KANK4: variants seen among roughly 807,000 people sequenced by gnomAD.
KANK4 encodes the protein KN motif and ankyrin repeat domain-containing protein 4.
Under a neutral mutation model 80.8 loss-of-function variants are expected in KANK4, and 50 were observed. The observed-to-expected ratio is 0.62, with a 90% confidence interval of 0.49 to 0.78. The LOEUF (loss-of-function observed/expected upper bound fraction) is 0.78, where lower values mean the gene tolerates loss of function less well. Ranked by LOEUF, KANK4 falls within the 30% of genes least tolerant of loss-of-function variation. KANK4 has a pLI of 0.00. For synonymous variants in KANK4, 465 were observed against 506.9 expected, an observed-to-expected ratio of 0.92 and a Z score of 1.11; for missense variants, 1,196 against 1,240.1, an observed-to-expected ratio of 0.96 and a Z score of 0.53.
intron 1 of KANK4, among the ~76,000 whole-genome samples, chr1:62,286,538 T>C (rs1295859426): frequency 6.6e-6 from 1 of 152,226 alleles, no homozygotes; most frequent in Admixed American, 6.5e-5. Context: ...GGAACACATC[T>C]AGAGACATCC....
At chr1:62,308,825 G>A (rs1050797826) in intron 1 of KANK4, among the ~76,000 whole-genome samples, 1 of 152,210 alleles carries the variant, frequency 6.6e-6, no homozygotes, top group African/African-American at 2.4e-5. Context: ...AACCCTCCCA[G>A]AGAAAGGCAG....
At chr1:62,265,372 T>C (rs1671994914) in intron 6 of KANK4, among the ~76,000 whole-genome samples, 3 of 152,094 alleles carry the variant, frequency 2.0e-5, no homozygotes, top group South Asian at 4.1e-4. Flanking sequence ...TCTGAGTAGC[T>C]GGGACTACAG....
chr1:62,271,787 G>C (rs1672169868), intron 3 of KANK4, 198 bp from the exon 4 acceptor site: 1 of 529,138 alleles, frequency 1.9e-6, no homozygotes, highest in African/African-American at 1.9e-5. Context: ...TGGGAGAACT[G>C]TCTCTGTTAA....
At chr1:62,302,276 G>A (rs1644418342) in intron 1 of KANK4, among the ~76,000 whole-genome samples, 2 of 151,924 alleles carry the variant, frequency 1.3e-5, no homozygotes, top group South Asian at 4.1e-4. Flanking sequence ...ATGTTTGCAG[G>A]TCTGGAGGAA....
At position 62,253,170 on chromosome 1, in the gene KANK4, G is replaced by A. The variant is rs369699713; in HGVS notation, c.2579C>T (p.Thr860Ile). The stretch of plus-strand genomic sequence containing the variant: ...AGCCAAGGGAGTGATCATTACGGCA[G>A]TGTAGCCAGCTTTGTTCTGATGGTC... ...NVDHQNKAGY[T>I]AVMITPLASA... The change falls in exon 8 of 10, where the codon ACT (threonine) becomes ATT (isoleucine). Residue 860 changes from threonine (T) to isoleucine (I), a missense_variant. Transcript: ENST00000371153. 6.2e-7 allele frequency: 1 copy of A among 1,612,952 alleles called. No individual in the cohort carries two copies. Among genetic ancestry groups the A allele is most frequent in the East Asian group, 2.2e-5 (1 of 44,850 alleles).
intron 9 of KANK4, among the ~76,000 whole-genome samples, chr1:62,244,032 G>A (rs986344473): frequency 2.0e-5 from 3 of 151,738 alleles, no homozygotes; most frequent in African/African-American, 7.3e-5. Context: ...TGTGCTCCTA[G>A]ATGTCAGATT....
At chr1:62,302,695 C>T (rs1357466720) in intron 1 of KANK4, among the ~76,000 whole-genome samples, 1 of 152,090 alleles carries the variant, frequency 6.6e-6, no homozygotes, top group Non-Finnish European at 1.5e-5. Flanking sequence ...AGGGTTGTCC[C>T]CCAGACGTGG....
chr1:62,266,604 C>T (rs1314779882), intron 6 of KANK4, 128 bp downstream of exon 6: 1 of 676,036 alleles, frequency 1.5e-6, no homozygotes, highest in South Asian at 1.8e-5. Flanking sequence ...GTAAACTGCA[C>T]ACTCACACCA....
chr1:62,258,455 A>G (rs890444455), intron 7 of KANK4, among the ~76,000 whole-genome samples: 3 of 152,220 alleles, frequency 2.0e-5, no homozygotes, highest in Non-Finnish European at 4.4e-5. Context: ...ACTGTTAGCT[A>G]TAATTTAATC....
In KANK4 at chr1:62,278,397, C is replaced by CTTTCTTTT. The variant is rs1553130867; in HGVS notation, c.16+3151_16+3152insAAAAGAAA. 1.2e-3 allele frequency among the ~76,000 whole-genome samples: 36 copies of CTTTCTTTT among 29,232 alleles called. 3 individuals carry two copies. The highest frequency in any genetic ancestry group is 4.3e-3 in the African/African-American group (32 of 7,412). 19.2% of individuals were successfully genotyped at this position (29,232 alleles called of 152,430 possible). A position where few individuals can be genotyped will look rare whatever the true frequency, so the allele number is the denominator to read the frequency against. ...CCTTCCTTTCTTTCTTTCTTTCTTTCTTTTTTTTTTTTGAGATGGAATTTC... is the reference window on the plus strand; with the variant it reads ...CCTTCCTTTCTTTCTTTCTTTCTTTCTTTCTTTTTTTTTTTTTTTTGAGATGGAATTTC... On this transcript the variant is annotated intron_variant, in intron 2 of 9. Transcript: ENST00000371153.
chr1:62,251,524 T>C (rs891437599), intron 8 of KANK4, among the ~76,000 whole-genome samples: 3 of 152,158 alleles, frequency 2.0e-5, no homozygotes, highest in East Asian at 1.9e-4. Context: ...CGTTGTTCCA[T>C]GTGGAGCCTT....
intron 6 of KANK4, among the ~76,000 whole-genome samples, chr1:62,263,953 G>A (rs919177614): frequency 6.6e-6 from 1 of 152,212 alleles, no homozygotes; most frequent in African/African-American, 2.4e-5. Flanking sequence ...AACGAGAAGA[G>A]TTCCAGAGCC....
intron 1 of KANK4, among the ~76,000 whole-genome samples, chr1:62,304,072 C>A (rs1363007884): frequency 1.3e-5 from 2 of 151,792 alleles, no homozygotes; most frequent in African/African-American, 2.4e-5. Flanking sequence ...ACAGGGTTTC[C>A]GCATGTTGGC....
chr1:62,314,817 T>TAA (rs2149175830), intron 1 of KANK4, among the ~76,000 whole-genome samples: 1 of 152,176 alleles, frequency 6.6e-6, no homozygotes, highest in East Asian at 1.9e-4. Flanking sequence ...TCCAGAAAGC[T>TAA]ATTTGAGGGG....
At chr1:62,282,055 C>T (rs1672462847) in intron 1 of KANK4, among the ~76,000 whole-genome samples, 1 of 152,074 alleles carries the variant, frequency 6.6e-6, no homozygotes, top group South Asian at 2.1e-4. Flanking sequence ...ACTTATAATC[C>T]ACTTTGCGAA....
chr1:62,281,670 A>C, intron 1 of KANK4, 36 bp from the exon 2 acceptor site: 5 of 1,290,380 alleles, frequency 3.9e-6, no homozygotes, highest in Non-Finnish European at 5.6e-6. Flanking sequence ...GGTGAGTCTC[A>C]TTAGCGTTTG....
At chr1:62,251,638 C>T (rs761971354) in intron 8 of KANK4, among the ~76,000 whole-genome samples, 1 of 152,164 alleles carries the variant, frequency 6.6e-6, no homozygotes, top group Non-Finnish European at 1.5e-5. Context: ...TCTGTGCTGC[C>T]TTTGCTGTCT....
intron 2 of KANK4, among the ~76,000 whole-genome samples, chr1:62,280,595 T>C (rs1236768946): frequency 1.3e-5 from 2 of 152,172 alleles, no homozygotes; most frequent in East Asian, 3.8e-4. Context: ...TTTCCTGATA[T>C]ATGGTGATCT....
chr1:62,243,341 AT>A (rs112696391), intron 9 of KANK4, among the ~76,000 whole-genome samples: 39,966 of 146,684 alleles, frequency 0.27, 6,280 homozygotes, highest in Non-Finnish European at 0.36. Context: ...GGACCAGATA[AT>A]TTTTTTTTTT....
Sources: allele counts gnomAD v4.1 joint callset (sites outside exome capture counted in the v4.1 genomes callset), GRCh38; gene constraint gnomAD v4.1.1; transcripts MANE v1.5; gene names NCBI Gene and HGNC (gene_info 2026-07-23, HGNC 2026-07-21).